SLC35F3: variants seen among roughly 807,000 people sequenced by gnomAD.
The protein encoded by SLC35F3 is putative thiamine transporter SLC35F3.
SLC35F3 carries 25 observed loss-of-function variants against 49.9 expected under a neutral mutation model. The observed-to-expected ratio is 0.50, with a 90% confidence interval of 0.37 to 0.70. SLC35F3 has a LOEUF of 0.70. Ranked by LOEUF, SLC35F3 falls within the 30% of genes least tolerant of loss-of-function variation. The pLI is 0.00. For synonymous variants in SLC35F3, 275 were observed against 265.4 expected, an observed-to-expected ratio of 1.04 and a Z score of -0.35; for missense variants, 525 against 639.8, an observed-to-expected ratio of 0.82 and a Z score of 1.94.
Position 234,145,231 on chromosome 1 carries a change from C to CT in SLC35F3, c.284-86183dup, listed in dbSNP as rs1278446038. Among the ~76,000 whole-genome samples, 4 of 152,280 alleles carry CT rather than the reference C, an allele frequency of 2.6e-5. No homozygotes were observed. In the East Asian group the frequency reaches 7.7e-4, roughly 29 times the overall value. On this transcript the variant is annotated intron_variant, in intron 2 of 7. Coordinates refer to ENST00000366618, the MANE Select transcript of SLC35F3 (RefSeq NM_173508.4). ...TGCATTATAATAGACTCTTCTAGTA[C>CT]TTTCAGGAACAAAATCCACTTTGGA...
chr1:234,166,666 A>G (rs1666325369), intron 2 of SLC35F3, among the ~76,000 whole-genome samples: 1 of 152,156 alleles, frequency 6.6e-6, no homozygotes, highest in Non-Finnish European at 1.5e-5. Flanking sequence ...TGTCCCTTGA[A>G]GTTCAACAGG....
intron 3 of SLC35F3, among the ~76,000 whole-genome samples, chr1:234,277,508 A>G (rs114917900): frequency 8.7e-4 from 132 of 152,352 alleles, no homozygotes; most frequent in African/African-American, 3.2e-3. Flanking sequence ...CTGCATAGGT[A>G]GAAAAACGTT....
chr1:233,923,509 C>T (rs28859677), intron 2 of SLC35F3, among the ~76,000 whole-genome samples: 16,846 of 152,254 alleles, frequency 0.11, 1,003 homozygotes, highest in East Asian at 0.14. Flanking sequence ...TATCCTGAGA[C>T]TTTGCTGAAG....
chr1:234,022,326 T>C (rs1381625926), intron 2 of SLC35F3, among the ~76,000 whole-genome samples: 2 of 152,210 alleles, frequency 1.3e-5, no homozygotes, highest in Non-Finnish European at 2.9e-5. Flanking sequence ...ATAAATTTAC[T>C]TTAAGGAACT....
intron 3 of SLC35F3, among the ~76,000 whole-genome samples, chr1:234,301,833 T>C (rs914721808): frequency 6.6e-6 from 1 of 152,164 alleles, no homozygotes; most frequent in Non-Finnish European, 1.5e-5. Flanking sequence ...GTGCAGTACA[T>C]ATACACCATG....
chr1:234,065,026 A>G (rs1664597326), intron 2 of SLC35F3, among the ~76,000 whole-genome samples: 3 of 152,224 alleles, frequency 2.0e-5, no homozygotes, highest in African/African-American at 7.2e-5. Flanking sequence ...ATGGAGCATG[A>G]CTATGATAAG....
intron 2 of SLC35F3, among the ~76,000 whole-genome samples, chr1:234,131,616 G>A (rs1370636084): frequency 6.6e-6 from 1 of 152,234 alleles, no homozygotes; most frequent in Non-Finnish European, 1.5e-5. Flanking sequence ...GCTCACAGTT[G>A]TAGCGAGCAA....
At chr1:234,291,464 C>G (rs959650130) in intron 3 of SLC35F3, among the ~76,000 whole-genome samples, 4 of 152,076 alleles carry the variant, frequency 2.6e-5, no homozygotes, top group African/African-American at 9.7e-5. Context: ...CAGAGCTGCA[C>G]TAGAGGATAT....
At chr1:234,061,280 A>G (rs1322677386) in intron 2 of SLC35F3, among the ~76,000 whole-genome samples, 2 of 152,124 alleles carry the variant, frequency 1.3e-5, no homozygotes, top group African/African-American at 4.8e-5. Context: ...TAAATATGTT[A>G]TCACACTGCC....
intron 3 of SLC35F3, among the ~76,000 whole-genome samples, chr1:234,278,075 C>T (rs932928347): frequency 6.6e-6 from 1 of 152,020 alleles, no homozygotes. Context: ...CGCCTGTGGT[C>T]CCACCTGCTC....
At chr1:233,968,480 T>A (rs1188348917) in intron 2 of SLC35F3, among the ~76,000 whole-genome samples, 3 of 96,988 alleles carry the variant, frequency 3.1e-5, no homozygotes, top group Non-Finnish European at 7.2e-5. Context: ...TTTCTTTTTC[T>A]TTTTCTTTTT....
At chr1:234,037,331 A>T (rs1242475704) in intron 2 of SLC35F3, among the ~76,000 whole-genome samples, 1 of 152,142 alleles carries the variant, frequency 6.6e-6, no homozygotes, top group Non-Finnish European at 1.5e-5. Flanking sequence ...TAAAGCAAAA[A>T]CTACTCACTC....
intron 2 of SLC35F3, among the ~76,000 whole-genome samples, chr1:234,052,393 C>T (rs747509390): frequency 7.2e-5 from 11 of 152,118 alleles, no homozygotes; most frequent in African/African-American, 2.7e-4. Context: ...GGAATTTATC[C>T]ATTTCTTCTA....
rs1663812947 is a variant in SLC35F3 at position 234,017,138 on chromosome 1, A to C, written c.283+111380A>C. On this transcript the variant is annotated intron_variant, in intron 2 of 7. Coordinates refer to ENST00000366618, the MANE Select transcript of SLC35F3 (RefSeq NM_173508.4). ...TTCTCATTTGCAGTAGTTATGCTCC[A>C]CAAAGTTACCATGAAGAGCGAATTA... Among the ~76,000 whole-genome samples the C allele has an allele frequency of 2.0e-5, 3 of 152,208 alleles. No homozygotes were observed. The South Asian group carries it at 6.2e-4, about 32-fold the overall frequency.
At chr1:234,106,011 C>T (rs1327884272) in intron 2 of SLC35F3, among the ~76,000 whole-genome samples, 2 of 152,194 alleles carry the variant, frequency 1.3e-5, no homozygotes, top group African/African-American at 2.4e-5. Flanking sequence ...GAGCTGCAGC[C>T]AACCCACAGC....
chr1:234,211,051 G>T (rs1667039456), intron 2 of SLC35F3, among the ~76,000 whole-genome samples: 1 of 152,234 alleles, frequency 6.6e-6, no homozygotes, highest in South Asian at 2.1e-4. Context: ...GCTGAAAGGG[G>T]CCAACATAGA....
intron 2 of SLC35F3, among the ~76,000 whole-genome samples, chr1:233,907,828 T>G (rs1661800819): frequency 6.6e-6 from 1 of 152,092 alleles, no homozygotes; most frequent in African/African-American, 2.4e-5. Flanking sequence ...TGAGTTCAAG[T>G]GATTCTCCTG....
Position 234,055,549 on chromosome 1 carries a change from G to A in SLC35F3, c.283+149791G>A, listed in dbSNP as rs561885333. On this transcript the variant is annotated intron_variant, in intron 2 of 7. Transcript: ENST00000366618. The stretch of plus-strand genomic sequence containing the variant: ...GGAGTTTCCCGATTTTCCTGGTACC[G>A]TCTGTCACGGCTTCCCTTGGCTAGG... 2.0e-4 allele frequency among the ~76,000 whole-genome samples: 30 copies of A among 152,302 alleles called. No homozygotes were observed. The East Asian group carries it at 2.5e-3, about 13-fold the overall frequency.
At chr1:234,062,285 C>G (rs1269727926) in intron 2 of SLC35F3, among the ~76,000 whole-genome samples, 1 of 152,136 alleles carries the variant, frequency 6.6e-6, no homozygotes, top group Non-Finnish European at 1.5e-5. Context: ...CCCTGAGTCA[C>G]CCTAGGATGA....
Sources: allele counts gnomAD v4.1 joint callset (sites outside exome capture counted in the v4.1 genomes callset), GRCh38; gene constraint gnomAD v4.1.1; transcripts MANE v1.5; gene names NCBI Gene and HGNC (gene_info 2026-07-23, HGNC 2026-07-21).